The following CDH13 variants were observed in gnomAD, a reference collection of about 807,000 sequenced individuals.
CDH13 encodes the protein cadherin-13.
Under a neutral mutation model 63.8 loss-of-function variants are expected in CDH13, and 24 were observed. The ratio of observed to expected loss-of-function variants is 0.38; its 90% confidence interval spans 0.27 to 0.53. The LOEUF is 0.53. CDH13 is among the 20% of genes least tolerant of loss of function. The pLI is 0.85. For missense variants in CDH13, 1,049 were observed against 903.1 expected, an observed-to-expected ratio of 1.16 and a Z score of -2.07; for synonymous variants, 503 against 355.3, an observed-to-expected ratio of 1.42 and a Z score of -4.67.
At chr16:82,915,346 C>A (rs948311899) in intron 2 of CDH13, among the ~76,000 whole-genome samples, 5 of 152,162 alleles carry the variant, frequency 3.3e-5, no homozygotes, top group African/African-American at 1.2e-4. Context: ...GTACGTCTTA[C>A]AGGCTTCTAT....
At chr16:82,734,036 G>A (rs112157385) in intron 1 of CDH13, among the ~76,000 whole-genome samples, 2 of 152,158 alleles carry the variant, frequency 1.3e-5, no homozygotes, top group East Asian at 1.9e-4. Context: ...AATAAGGTGG[G>A]AAGAGAACTA....
intron 4 of CDH13, among the ~76,000 whole-genome samples, chr16:83,146,141 C>T (rs898247355): frequency 7.0e-6 from 1 of 141,866 alleles, no homozygotes; most frequent in Non-Finnish European, 1.5e-5. Context: ...TTACAGTGAG[C>T]CAAGATTGTG....
intron 8 of CDH13, among the ~76,000 whole-genome samples, chr16:83,648,898 CCTGCCTTCTTTTT>C (rs1912093926): frequency 6.6e-6 from 1 of 151,856 alleles, no homozygotes; most frequent in South Asian, 2.1e-4. Flanking sequence ...TGTGTCTTTT[CCTGCCTTCTTTTT>C]CTGCACTCTA....
At chr16:82,720,300 C>T (rs1191802808) in intron 1 of CDH13, among the ~76,000 whole-genome samples, 8 of 152,160 alleles carry the variant, frequency 5.3e-5, no homozygotes, top group Non-Finnish European at 1.2e-4. Flanking sequence ...TGAGTGCTTT[C>T]TTACTGCATT....
In CDH13 at chr16:82,904,437, G is replaced by T. The variant is rs529421362; in HGVS notation, c.157+45964G>T. ...GTTGAGTTTTCTCCAAGACACCCTC[G>T]TTGGTTCACCTTGCTCTGAATCCTT... is the stretch of plus-strand genomic sequence containing the variant. On this transcript the variant is annotated intron_variant, in intron 2 of 13. Transcript: ENST00000567109. Among the ~76,000 whole-genome samples the T allele has an allele frequency of 2.6e-5, 4 of 152,254 alleles. No individual in the cohort carries two copies. The East Asian group carries it at 7.7e-4, about 29-fold the overall frequency.
chr16:83,636,574 C>G (rs867411415), intron 8 of CDH13, among the ~76,000 whole-genome samples: 15 of 152,170 alleles, frequency 9.9e-5, no homozygotes, highest in South Asian at 2.1e-4. Flanking sequence ...ACAAAAGCCT[C>G]CAGCTCCATT....
intron 1 of CDH13, among the ~76,000 whole-genome samples, chr16:82,796,616 G>C (rs1039153173): frequency 6.6e-6 from 1 of 152,186 alleles, no homozygotes; most frequent in African/African-American, 2.4e-5. Context: ...TGGCTTATGG[G>C]TGTTCCACAC....
chr16:82,901,748 A>G (rs937450226), intron 2 of CDH13, among the ~76,000 whole-genome samples: 8 of 152,242 alleles, frequency 5.3e-5, no homozygotes, highest in South Asian at 2.1e-4. Flanking sequence ...GATACGAACC[A>G]TATACCAGGC....
At chr16:83,555,808 T>G (rs1178434250) in intron 7 of CDH13, among the ~76,000 whole-genome samples, 1 of 152,190 alleles carries the variant, frequency 6.6e-6, no homozygotes, top group Admixed American at 6.5e-5. Context: ...GAAAGTAAAA[T>G]ATTTTGCAAT....
At chr16:83,268,090 CT>C (rs1178645303) in intron 5 of CDH13, among the ~76,000 whole-genome samples, 3 of 152,174 alleles carry the variant, frequency 2.0e-5, no homozygotes, top group Non-Finnish European at 4.4e-5. Flanking sequence ...ACACCTGCCC[CT>C]ATGTGCACCA....
At chr16:83,125,951 A>G (rs1380136044) in intron 4 of CDH13, among the ~76,000 whole-genome samples, 1 of 152,206 alleles carries the variant, frequency 6.6e-6, no homozygotes, top group African/African-American at 2.4e-5. Context: ...AATCATACTA[A>G]TCATATCCAG....
At chr16:83,581,903 C>T (rs953532495) in intron 7 of CDH13, among the ~76,000 whole-genome samples, 2 of 152,210 alleles carry the variant, frequency 1.3e-5, no homozygotes, top group African/African-American at 4.8e-5. Context: ...CTCCTTAGCA[C>T]ATACCACTGT....
At chr16:83,244,272 C>A (rs1267345917) in intron 5 of CDH13, among the ~76,000 whole-genome samples, 3 of 152,040 alleles carry the variant, frequency 2.0e-5, no homozygotes, top group African/African-American at 4.8e-5. Context: ...TGGCACAGCA[C>A]TTTGCAAATA....
intron 10 of CDH13, among the ~76,000 whole-genome samples, chr16:83,707,159 G>A (rs529414223): frequency 2.3e-4 from 35 of 152,278 alleles, no homozygotes; most frequent in African/African-American, 7.0e-4. Context: ...GCATGTTCAC[G>A]CTCCAGAACT....
chr16:83,469,874 A>G (rs995082311), intron 6 of CDH13, among the ~76,000 whole-genome samples: 2 of 152,218 alleles, frequency 1.3e-5, no homozygotes, highest in African/African-American at 2.4e-5. Flanking sequence ...GCAAAATACA[A>G]TGTGTGCATT....
At chr16:83,488,003 A>G (rs542112877) in intron 7 of CDH13, among the ~76,000 whole-genome samples, 58 of 152,320 alleles carry the variant, frequency 3.8e-4, no homozygotes, top group African/African-American at 1.2e-3. Flanking sequence ...TGTGCTAATT[A>G]GGTTGTCATT....
intron 2 of CDH13, among the ~76,000 whole-genome samples, chr16:82,960,234 G>T (rs1185901980): frequency 6.6e-6 from 1 of 152,142 alleles, no homozygotes; most frequent in Non-Finnish European, 1.5e-5. Context: ...AGTAGGATAA[G>T]GGACATATAT....
chr16:83,392,589 A>G (rs1424754310), intron 6 of CDH13, among the ~76,000 whole-genome samples: 3 of 152,168 alleles, frequency 2.0e-5, no homozygotes, highest in African/African-American at 7.2e-5. Context: ...TTAGGTGTGC[A>G]CACAGAAGGT....
At chr16:82,951,549 C>T (rs1340365175) in intron 2 of CDH13, among the ~76,000 whole-genome samples, 2 of 152,184 alleles carry the variant, frequency 1.3e-5, no homozygotes, top group Non-Finnish European at 2.9e-5. Context: ...TGCGAGACCA[C>T]GGCATGAGCT....
Sources: allele counts gnomAD v4.1 joint callset (sites outside exome capture counted in the v4.1 genomes callset), GRCh38; gene constraint gnomAD v4.1.1; transcripts MANE v1.5; gene names NCBI Gene and HGNC (gene_info 2026-07-23, HGNC 2026-07-21).